AP3D1: variants seen among roughly 807,000 people sequenced by gnomAD.
The protein encoded by AP3D1 is adaptor related protein complex 3 subunit delta 1.
In AP3D1, 51 loss-of-function variants were observed where a neutral mutation model predicts 147.6. The observed-to-expected ratio is 0.35, with a 90% confidence interval of 0.28 to 0.44. The LOEUF is 0.44. Among genes scored for constraint, AP3D1 ranks in the 20% least tolerant of loss-of-function variants. AP3D1 has a pLI of 1.00. For synonymous variants in AP3D1, 760 were observed against 663.0 expected (o/e 1.15, Z -2.25); for missense variants, 1,421 against 1,624.2 (o/e 0.87, Z 2.15).
chr19:2,115,481 G>A (rs1599451625), intron 19 of AP3D1, 57 bp downstream of exon 19: 4 of 1,608,798 alleles, frequency 2.5e-6, no homozygotes, highest in East Asian at 2.2e-5. Flanking sequence ...GGAGGGCGGC[G>A]GGAGCACCCC....
chr19:2,158,544 G>A (rs1044284236), intron 1 of AP3D1, among the ~76,000 whole-genome samples: 6 of 151,520 alleles, frequency 4.0e-5, no homozygotes, highest in African/African-American at 1.5e-4. Context: ...CTGGCCTCAA[G>A]TTGTCCTCCC....
intron 4 of AP3D1, 36 bp from the exon 5 acceptor site, chr19:2,132,614 C>T (rs371272114): frequency 1.3e-6 from 2 of 1,571,554 alleles, no homozygotes; most frequent in East Asian, 2.3e-5. Flanking sequence ...GGCCAGGATG[C>T]CCTGGGTGGC....
At position 2,102,511 on chromosome 19, in the gene AP3D1, C is replaced by G. The variant is rs111856206; in HGVS notation, c.3553-243G>C. Among the ~76,000 whole-genome samples the G allele has an allele frequency of 0.12, 18,912 of 151,746 alleles. 1,296 individuals carry two copies. The highest frequency in any genetic ancestry group is 0.16 in the Non-Finnish European group (10,682 of 67,922). On this transcript the variant is annotated intron_variant, in intron 31 of 31. Transcript: ENST00000643116. ...TAGGAGGCTGAGGCAGGCAGATCAC[C>G]AGGTCAGGATATTGAGACCATCCTG...
chr19:2,120,846 C>A lies in AP3D1; in HGVS notation c.1481+16G>T, dbSNP rs1354204194. 3 of 1,600,534 alleles carry A rather than the reference C, an allele frequency of 1.9e-6. No individual in the cohort carries two copies. The highest frequency in any genetic ancestry group is 2.7e-5 in the African/African-American group (2 of 74,928). On this transcript the variant is annotated intron_variant, in intron 14 of 31. Transcript: ENST00000643116. ...CTTGGAGAAGCTGCCAGCCCAGAGG[C>A]CCAGCGCCCACTCACTCTGAGAACT...
At chr19:2,163,382 G>C (rs1244704343) in intron 1 of AP3D1, among the ~76,000 whole-genome samples, 3 of 151,786 alleles carry the variant, frequency 2.0e-5, no homozygotes, top group African/African-American at 7.3e-5. Flanking sequence ...CCGTGAGAGG[G>C]GGTTTCTCCA....
rs770444809 is a variant in AP3D1, at chr19:2,111,660, G to C, written c.2937+19C>G. 2 of 1,570,748 alleles carry C rather than the reference G, an allele frequency of 1.3e-6. No homozygotes were observed. The highest frequency in any genetic ancestry group is 1.4e-5 in the African/African-American group (1 of 74,038). The stretch of plus-strand genomic sequence containing the variant: ...CCAGGAACCCCGGCGTGGGGCGGGG[G>C]CGCTGAAGTACCCCTCACCGGGAGC... On this transcript the variant is annotated intron_variant, in intron 25 of 31. Transcript: ENST00000643116.
chr19:2,138,743 C>A, intron 1 of AP3D1, 29 bp from the exon 2 acceptor site: 1 of 1,502,140 alleles, frequency 6.7e-7, no homozygotes, highest in Non-Finnish European at 9.2e-7. Flanking sequence ...ACAGAGATTA[C>A]AAACATCCAG....
intron 1 of AP3D1, among the ~76,000 whole-genome samples, chr19:2,163,679 G>T (rs1349035922): frequency 6.6e-6 from 1 of 151,976 alleles, no homozygotes; most frequent in Admixed American, 6.6e-5. Flanking sequence ...TATCCGACGG[G>T]CCCGCCCACA....
chr19:2,151,224 G>C lies in AP3D1; in HGVS notation c.96+15C>G, dbSNP rs780814532. On this transcript the variant is annotated intron_variant, in intron 1 of 31. Coordinates refer to ENST00000643116, the MANE Select transcript of AP3D1 (RefSeq NM_001261826.3). ...TGTGACCAGGCCGAGCAGCCCCTTG[G>C]CGCGCCGGGCTCACCTCGTCCTCCT... is the stretch of plus-strand genomic sequence containing the variant. 2.5e-6 allele frequency: 4 copies of C among 1,606,934 alleles called. No homozygotes were observed. In the East Asian group the frequency reaches 6.7e-5, roughly 27 times the overall value.
At chr19:2,106,787 C>A (rs1242920973) in intron 31 of AP3D1, among the ~76,000 whole-genome samples, 1 of 152,170 alleles carries the variant, frequency 6.6e-6, no homozygotes, top group African/African-American at 2.4e-5. Context: ...GGTGTAATAA[C>A]AGCAGCCAGA....
chr19:2,120,897 C>A lies in AP3D1; in HGVS notation c.1446G>T (p.Leu482=). The A allele has an allele frequency of 1.2e-6, 2 of 1,610,964 alleles. No homozygotes were observed. Among genetic ancestry groups the A allele is most frequent in the Non-Finnish European group, 1.7e-6 (2 of 1,180,020 alleles). The change falls in exon 14 of 32, where the codon CTG becomes CTT. Residue 482 remains leucine (L), a synonymous_variant. Transcript: ENST00000643116. ...CCCCGCAGATCCAGGCGGCAGCGTACAGCACCTCACAGATCCCGTTCCGCT... is the reference window on the plus strand; with the variant it reads ...CCCCGCAGATCCAGGCGGCAGCGTAAAGCACCTCACAGATCCCGTTCCGCT... ...STQRNGICEV[L]YAAAWICGEF...
intron 29 of AP3D1, 34 bp downstream of exon 29, chr19:2,109,839 T>A (rs2018217055): frequency 1.2e-6 from 2 of 1,601,814 alleles, no homozygotes; most frequent in African/African-American, 2.7e-5. Flanking sequence ...GCGGAGGGGG[T>A]TCGGGGACAT....
At chr19:2,106,258 G>A (rs760139251) in intron 31 of AP3D1, among the ~76,000 whole-genome samples, 19 of 152,046 alleles carry the variant, frequency 1.2e-4, no homozygotes, top group Non-Finnish European at 2.5e-4. Context: ...TCACACTCCC[G>A]GGTGTATATT....
At chr19:2,102,791 TA>T (rs1398846506) in intron 31 of AP3D1, among the ~76,000 whole-genome samples, 1 of 147,846 alleles carries the variant, frequency 6.8e-6, no homozygotes, top group Non-Finnish European at 1.5e-5. Flanking sequence ...AAAATAAAAA[TA>T]AAAAATGTGC....
At chr19:2,161,086 G>A (rs1157339335) in intron 1 of AP3D1, among the ~76,000 whole-genome samples, 1 of 151,844 alleles carries the variant, frequency 6.6e-6, no homozygotes, top group Non-Finnish European at 1.5e-5. Flanking sequence ...GGGAGAGAGA[G>A]GAGGTGAGTC....
chr19:2,119,269 A>C (rs140681360), intron 14 of AP3D1, among the ~76,000 whole-genome samples: 1 of 152,322 alleles, frequency 6.6e-6, no homozygotes, highest in East Asian at 1.9e-4. Context: ...TAAGAAAATG[A>C]TAGAAGTGGC....
intron 9 of AP3D1, 133 bp downstream of exon 9, chr19:2,127,019 C>T: frequency 1.0e-6 from 1 of 961,966 alleles, no homozygotes; most frequent in Non-Finnish European, 1.6e-6. Flanking sequence ...CCAGGCCCCA[C>T]CAGCCAGCTT....
chr19:2,156,553 T>C (rs1011214404), upstream of AP3D1, among the ~76,000 whole-genome samples: 23 of 148,804 alleles, frequency 1.5e-4, no homozygotes, highest in East Asian at 1.3e-3. Context: ...CAACAACGTT[T>C]ATTGAAAAAA....
chr19:2,109,119 G>A lies in AP3D1; in HGVS notation c.3439C>T (p.Leu1147=). The change falls in exon 30 of 32, where the codon CTG becomes TTG. Residue 1147 remains leucine, a synonymous_variant. Coordinates refer to ENST00000643116, the MANE Select transcript of AP3D1 (RefSeq NM_001261826.3). ...DGIRMSFQNL[L]AKICFHHHFS... ...TGGTGGTGAAAACAGATCTTCGCCA[G>A]AAGATTCTGGAAGGACATCCGAATG... is the stretch of plus-strand genomic sequence containing the variant. 2.5e-6 allele frequency: 4 copies of A among 1,609,334 alleles called. No individual in the cohort carries two copies. The highest frequency in any genetic ancestry group is 1.1e-5 in the South Asian group (1 of 90,240).
Sources: allele counts gnomAD v4.1 joint callset (sites outside exome capture counted in the v4.1 genomes callset), GRCh38; gene constraint gnomAD v4.1.1; transcripts MANE v1.5; gene names NCBI Gene and HGNC (gene_info 2026-07-23, HGNC 2026-07-21).